XPNPEP3: variants seen among roughly 807,000 people sequenced by gnomAD.
XPNPEP3 encodes the protein xaa-Pro aminopeptidase 3.
XPNPEP3 carries 41 observed loss-of-function variants against 60.0 expected under a neutral mutation model. That is an observed-to-expected ratio of 0.68 (90% confidence interval 0.53 to 0.89). The LOEUF (loss-of-function observed/expected upper bound fraction) is 0.89. Among genes scored for constraint, XPNPEP3 ranks in the 40% least tolerant of loss-of-function variants. The probability of loss-of-function intolerance (pLI) is 0.00; values close to 1 mark genes in which losing one functional copy is unlikely to be tolerated. For synonymous variants in XPNPEP3, 212 were observed against 223.2 expected, an observed-to-expected ratio of 0.95 and a Z score of 0.45; for missense variants, 598 against 638.9, an observed-to-expected ratio of 0.94 and a Z score of 0.69.
At chr22:40,899,164 C>T (rs1052107129) in intron 4 of XPNPEP3, among the ~76,000 whole-genome samples, 2 of 152,122 alleles carry the variant, frequency 1.3e-5, no homozygotes, top group Non-Finnish European at 2.9e-5. Context: ...TTTTACCCAT[C>T]GCTGTCAACT....
At position 40,882,054 on chromosome 22, in the gene XPNPEP3, C is replaced by G; in HGVS notation, c.466C>G (p.Arg156Gly). ...CAAAGCCATACTTTTTGTGCCTCGG[C>G]GAGATCCCAGTCGAGAACTTTGGGA... ...SHKAILFVPR[R>G]DPSRELWDGP... Residue 156 changes from arginine (R) to glycine (G), a missense_variant, in exon 3 of 10, where the codon CGA becomes GGA. Physicochemically the swap from Arg to Gly is moderately radical, Grantham distance 125. Coordinates refer to ENST00000357137, the MANE Select transcript of XPNPEP3 (RefSeq NM_022098.4). The G allele has an allele frequency of 1.2e-6, 2 of 1,614,064 alleles. No individual in the cohort carries two copies. The highest frequency in any genetic ancestry group is 2.7e-5 in the African/African-American group (2 of 75,004).
Position 40,919,200 on chromosome 22 carries a change from G to C in XPNPEP3, c.1056-3133G>C, listed in dbSNP as rs574147748. Among the ~76,000 whole-genome samples, 99 of 152,236 alleles carry C rather than the reference G, an allele frequency of 6.5e-4. 1 individual carries two copies. Among genetic ancestry groups the C allele is most frequent in the African/African-American group, 2.3e-3 (96 of 41,558 alleles). On this transcript the variant is annotated intron_variant, in intron 7 of 9. Transcript: ENST00000357137. ...CAGGTAGACTTAACTGTAGATTGGA[G>C]ACAGCAGAAGTTTGCAAACTTGAAG...
At chr22:40,909,689 C>T (rs978193239) in intron 6 of XPNPEP3, among the ~76,000 whole-genome samples, 70 of 151,712 alleles carry the variant, frequency 4.6e-4, no homozygotes, top group African/African-American at 1.6e-3. Context: ...TGCTTGAGCC[C>T]GGGAGGCATA....
intron 2 of XPNPEP3, among the ~76,000 whole-genome samples, chr22:40,878,768 A>G (rs539005231): frequency 4.4e-4 from 67 of 152,164 alleles, no homozygotes; most frequent in Non-Finnish European, 7.6e-4. Context: ...TTGTATTTTT[A>G]GTAGAGACAG....
rs2058237646 is a variant in XPNPEP3 at position 40,927,280 on chromosome 22, C to G, written c.*845C>G. The G allele has an allele frequency of 6.6e-6, 1 of 152,022 alleles. No individual in the cohort carries two copies. The highest frequency in any genetic ancestry group is 2.4e-5 in the African/African-American group (1 of 41,350). The allele number at this position is 152,022 out of a possible 1,614,324, so 9.4% of individuals were successfully genotyped here. On this transcript the variant is annotated 3_prime_UTR_variant, in exon 10 of 10. Transcript: ENST00000357137. ...CTTGAGACCAGGAGGTCAAGACCAG[C>G]CTGGCCAACGTGGTGAAACACTGTC... is the stretch of plus-strand genomic sequence containing the variant.
intron 5 of XPNPEP3, 101 bp downstream of exon 5, chr22:40,907,750 C>A: frequency 8.9e-7 from 1 of 1,129,498 alleles, no homozygotes; most frequent in South Asian, 1.2e-5. Flanking sequence ...TAGTGATGAC[C>A]AGCATGTCAT....
chr22:40,867,634 A>G (rs1028279499), intron 1 of XPNPEP3, among the ~76,000 whole-genome samples: 2 of 152,136 alleles, frequency 1.3e-5, no homozygotes, highest in Admixed American at 6.6e-5. Flanking sequence ...TTGGTGGCAC[A>G]TACCTGTAGT....
At chr22:40,913,153 C>A (rs2058182813) in intron 6 of XPNPEP3, among the ~76,000 whole-genome samples, 1 of 151,940 alleles carries the variant, frequency 6.6e-6, no homozygotes, top group Non-Finnish European at 1.5e-5. Flanking sequence ...CTTCTTTCCC[C>A]ACATGTATTA....
chr22:40,882,258 T>A, intron 3 of XPNPEP3, 81 bp downstream of exon 3: 1 of 1,482,904 alleles, frequency 6.7e-7, no homozygotes, highest in Non-Finnish European at 9.3e-7. Flanking sequence ...AGTCCTTAAT[T>A]TTGTTATCGT....
Position 40,860,842 on chromosome 22 carries a change from G to T in XPNPEP3, c.64+3597G>T, listed in dbSNP as rs566902754. On this transcript the variant is annotated intron_variant, in intron 1 of 9. Coordinates refer to ENST00000357137, the MANE Select transcript of XPNPEP3 (RefSeq NM_022098.4). ...ATTTTTAAATTTTTTGTAGAGAAAA[G>T]ATCTCACTATACTGCCCAGGCAAAT... 3.0e-5 allele frequency: 19 copies of T among 642,600 alleles called. No homozygotes were observed. In the East Asian group the frequency reaches 5.1e-4, roughly 17 times the overall value. The allele number at this position is 642,600 out of a possible 1,614,324, so 39.8% of individuals were successfully genotyped here.
chr22:40,877,459 AT>A (rs2058031864), intron 2 of XPNPEP3, among the ~76,000 whole-genome samples: 1 of 152,176 alleles, frequency 6.6e-6, no homozygotes, highest in Admixed American at 6.5e-5. Context: ...AGTCTTTGTT[AT>A]ATCTTCCTTT....
At chr22:40,869,232 C>T in intron 2 of XPNPEP3, 117 bp downstream of exon 2, 1 of 826,230 alleles carries the variant, frequency 1.2e-6, no homozygotes, top group South Asian at 1.4e-5. Flanking sequence ...TAGCCACTAA[C>T]CTCACATGGC....
chr22:40,863,940 A>G (rs1022937960), intron 1 of XPNPEP3, among the ~76,000 whole-genome samples: 47 of 152,316 alleles, frequency 3.1e-4, no homozygotes, highest in African/African-American at 1.1e-3. Flanking sequence ...TAGGCATTCC[A>G]CAAACAGATA....
At chr22:40,897,323 C>T (rs938898279) in intron 4 of XPNPEP3, among the ~76,000 whole-genome samples, 4 of 152,112 alleles carry the variant, frequency 2.6e-5, no homozygotes, top group Non-Finnish European at 4.4e-5. Flanking sequence ...CCACCGTGCC[C>T]GGCCTCCTTC....
chr22:40,902,599 G>T (rs2058138786), intron 4 of XPNPEP3, among the ~76,000 whole-genome samples: 1 of 152,034 alleles, frequency 6.6e-6, no homozygotes, highest in African/African-American at 2.4e-5. Context: ...TGGTCAGGCT[G>T]GTTTCAAACT....
intron 4 of XPNPEP3, among the ~76,000 whole-genome samples, chr22:40,892,904 A>G (rs1010961824): frequency 1.3e-5 from 2 of 151,734 alleles, no homozygotes; most frequent in Admixed American, 1.3e-4. Flanking sequence ...TTTACCCACA[A>G]TAACAATGCA....
intron 4 of XPNPEP3, among the ~76,000 whole-genome samples, 155 bp downstream of exon 4, chr22:40,886,670 A>T (rs2058070132): frequency 2.0e-5 from 3 of 151,788 alleles, no homozygotes; most frequent in African/African-American, 7.3e-5. Flanking sequence ...CTAAAAAAAC[A>T]TAAAAAATTA....
At chr22:40,869,158 C>T (rs1428574315) in intron 2 of XPNPEP3, 43 bp downstream of exon 2, 3 of 1,515,486 alleles carry the variant, frequency 2.0e-6, no homozygotes, top group East Asian at 4.5e-5. Context: ...TAGGTTCTGT[C>T]TAGAGCAATG....
intron 2 of XPNPEP3, among the ~76,000 whole-genome samples, chr22:40,880,541 G>C (rs1350789977): frequency 6.6e-6 from 1 of 150,588 alleles, no homozygotes; most frequent in Non-Finnish European, 1.5e-5. Context: ...AGTAGGAGAA[G>C]GGAATAGGGA....
Sources: gnomAD v4.1 joint callset for allele counts (sites outside exome capture counted in the v4.1 genomes callset) on GRCh38, gnomAD v4.1.1 for gene constraint, MANE v1.5 for transcripts, NCBI Gene and HGNC (gene_info 2026-07-23, HGNC 2026-07-21) for gene names.